The following RSU1 variants were observed in gnomAD, a reference collection of about 807,000 sequenced individuals.
RSU1 encodes the protein Ras suppressor protein 1, also known as rsu-1.
RSU1 carries 26 observed loss-of-function variants against 31.1 expected under a neutral mutation model. The ratio of observed to expected loss-of-function variants is 0.84; its 90% CI spans 0.61 to 1.16. The LOEUF (loss-of-function observed/expected upper bound fraction) is 1.16. RSU1 is among the 50% of genes most tolerant of loss of function. The pLI is 0.00. For missense variants in RSU1, 320 were observed against 339.1 expected, an observed-to-expected ratio of 0.94 and a Z score of 0.44; for synonymous variants, 164 against 136.3, an observed-to-expected ratio of 1.20 and a Z score of -1.41.
chr10:16,598,884 CT>C (rs1833666589), intron 8 of RSU1, among the ~76,000 whole-genome samples: 6 of 152,298 alleles, frequency 3.9e-5, no homozygotes, highest in Non-Finnish European at 7.3e-5. Context: ...CGTGAGGATT[CT>C]GCTTAATTTC....
intron 2 of RSU1, among the ~76,000 whole-genome samples, chr10:16,795,571 G>T (rs1385202893): frequency 6.6e-6 from 1 of 152,052 alleles, no homozygotes; most frequent in Non-Finnish European, 1.5e-5. Flanking sequence ...ACTTGTCTGT[G>T]ATTTCAGAAC....
chr10:16,762,516 A>G lies in RSU1; in HGVS notation c.281+1874T>C, dbSNP rs767105519. Among the ~76,000 whole-genome samples, 92 of 99,958 alleles carry G rather than the reference A, an allele frequency of 9.2e-4. 2 individuals are homozygous for G. The highest frequency in any genetic ancestry group is 1.8e-3 in the Non-Finnish European group (82 of 45,396). The allele number at this position is 99,958 out of a possible 152,430, so 65.6% of individuals were successfully genotyped here. A position where few individuals can be genotyped will look rare whatever the true frequency, so the allele number is the denominator to read the frequency against. ...TACAGGCTCCAAATTTGTAGGGAGA[A>G]AAAAAAAAAAACCATCTCATCTCAA... On this transcript the variant is annotated intron_variant, in intron 4 of 8. Transcript: ENST00000345264.
chr10:16,729,303 A>G (rs1454154439), intron 7 of RSU1, among the ~76,000 whole-genome samples: 1 of 152,210 alleles, frequency 6.6e-6, no homozygotes, highest in Non-Finnish European at 1.5e-5. Context: ...ATACACTTCC[A>G]ATTCAGACCC....
chr10:16,694,935 G>A (rs1835642406), intron 8 of RSU1, 88 bp downstream of exon 8: 1 of 1,264,430 alleles, frequency 7.9e-7, no homozygotes, highest in African/African-American at 1.5e-5. Context: ...GCCATCAATA[G>A]GATACTGTCA....
chr10:16,679,741 C>A (rs958936969), intron 8 of RSU1, among the ~76,000 whole-genome samples: 3 of 152,078 alleles, frequency 2.0e-5, no homozygotes, highest in African/African-American at 7.2e-5. Flanking sequence ...CTCTCTATTG[C>A]CAGCTCAGCT....
intron 8 of RSU1, among the ~76,000 whole-genome samples, chr10:16,691,045 C>G (rs1835539334): frequency 6.6e-6 from 1 of 151,904 alleles, no homozygotes; most frequent in African/African-American, 2.4e-5. Flanking sequence ...AAGTTTTAGA[C>G]TAGAAGATCA....
At chr10:16,755,841 G>T (rs901915978) in intron 4 of RSU1, among the ~76,000 whole-genome samples, 2 of 152,118 alleles carry the variant, frequency 1.3e-5, no homozygotes, top group African/African-American at 4.8e-5. Context: ...AGAAGGTGTG[G>T]TATGTTGTCC....
chr10:16,593,400 G>C lies in RSU1; in HGVS notation c.828C>G (p.Asn276Lys). The change falls in exon 9 of 9, where the codon AAC becomes AAG. Residue 276 changes from asparagine (N) to lysine (K), a missense_variant. Coordinates refer to ENST00000345264, the MANE Select transcript of RSU1 (RefSeq NM_012425.4). ...KISRKPLAAK[N>K]R ...GCCGATGCCAATCCCTTCCTTATCTGTTCTTGGCTGCCAGGGGTTTCCGGC... is the reference window on the plus strand; with the variant it reads ...GCCGATGCCAATCCCTTCCTTATCTCTTCTTGGCTGCCAGGGGTTTCCGGC... 1 of 1,614,140 alleles carries C rather than the reference G, an allele frequency of 6.2e-7. No homozygotes were observed. The highest frequency in any genetic ancestry group is 8.5e-7 in the Non-Finnish European group (1 of 1,179,988).
chr10:16,802,510 A>G (rs889314841), intron 2 of RSU1, among the ~76,000 whole-genome samples: 1 of 152,170 alleles, frequency 6.6e-6, no homozygotes, highest in African/African-American at 2.4e-5. Context: ...GGAAGAAATT[A>G]TACCAATTCT....
chr10:16,776,181 T>G (rs942431987), intron 3 of RSU1, among the ~76,000 whole-genome samples: 3 of 152,214 alleles, frequency 2.0e-5, no homozygotes, highest in Non-Finnish European at 4.4e-5. Flanking sequence ...TATGTCTGCA[T>G]AAAAAGGTTT....
intron 7 of RSU1, among the ~76,000 whole-genome samples, chr10:16,703,297 G>C (rs890972580): frequency 6.6e-6 from 1 of 152,188 alleles, no homozygotes; most frequent in Non-Finnish European, 1.5e-5. Flanking sequence ...AGCGTTGGTT[G>C]TGTTAGAGGA....
chr10:16,608,126 C>T (rs1022545262), intron 8 of RSU1, among the ~76,000 whole-genome samples: 4 of 152,232 alleles, frequency 2.6e-5, no homozygotes, highest in East Asian at 1.9e-4. Context: ...CCACCACACC[C>T]GGCCAGTATC....
chr10:16,663,152 C>A (rs1004709850), intron 8 of RSU1, among the ~76,000 whole-genome samples: 1 of 152,180 alleles, frequency 6.6e-6, no homozygotes, highest in South Asian at 2.1e-4. Context: ...GATCTGTATG[C>A]GCCATGAGAG....
intron 2 of RSU1, among the ~76,000 whole-genome samples, chr10:16,814,596 C>G (rs1278646347): frequency 6.6e-6 from 1 of 152,094 alleles, no homozygotes; most frequent in Non-Finnish European, 1.5e-5. Context: ...CTTCGAAGAG[C>G]ATCCTGGAAC....
intron 2 of RSU1, among the ~76,000 whole-genome samples, chr10:16,791,899 CA>C (rs1427251741): frequency 1.3e-5 from 2 of 152,142 alleles, no homozygotes; most frequent in Non-Finnish European, 2.9e-5. Context: ...CCATAGTTTT[CA>C]ATCTGGCAAA....
At chr10:16,639,632 G>C (rs1193626765) in intron 8 of RSU1, among the ~76,000 whole-genome samples, 1 of 152,180 alleles carries the variant, frequency 6.6e-6, no homozygotes, top group African/African-American at 2.4e-5. Flanking sequence ...TGACTGATGA[G>C]AGCACAGAGC....
intron 8 of RSU1, among the ~76,000 whole-genome samples, chr10:16,612,456 T>A (rs906333071): frequency 6.6e-5 from 10 of 152,220 alleles, no homozygotes; most frequent in African/African-American, 2.4e-4. Flanking sequence ...TCCATGGTCC[T>A]GAACAGGCAG....
chr10:16,716,711 AT>A (rs1475445793), intron 7 of RSU1, among the ~76,000 whole-genome samples: 1 of 152,170 alleles, frequency 6.6e-6, no homozygotes, highest in Non-Finnish European at 1.5e-5. Flanking sequence ...GAGTCTGACC[AT>A]GATCTAGATG....
At chr10:16,655,451 T>C (rs959514401) in intron 8 of RSU1, among the ~76,000 whole-genome samples, 3 of 152,224 alleles carry the variant, frequency 2.0e-5, no homozygotes, top group Non-Finnish European at 4.4e-5. Flanking sequence ...AAAGTGGCGA[T>C]GATTATGTTT....
Sources: allele counts gnomAD v4.1 joint callset (sites outside exome capture counted in the v4.1 genomes callset), GRCh38; gene constraint gnomAD v4.1.1; transcripts MANE v1.5; gene names NCBI Gene and HGNC (gene_info 2026-07-23, HGNC 2026-07-21).